The following CAPN15 variants were observed in gnomAD, a reference collection of about 807,000 sequenced individuals.
CAPN15 encodes the protein calpain 15, also known as calpain-15.
CAPN15 carries 53 observed loss-of-function variants against 97.9 expected under a neutral mutation model. The observed-to-expected ratio is 0.54, with a 90% confidence interval of 0.43 to 0.68. CAPN15 has a LOEUF of 0.68. Ranked by LOEUF, CAPN15 falls within the 30% of genes least tolerant of loss-of-function variation. CAPN15 has a pLI of 0.00. For synonymous variants in CAPN15, 922 were observed against 722.5 expected (o/e 1.28, Z -4.43); for missense variants, 1,592 against 1,589.8 (o/e 1.00, Z -0.02).
At chr16:532,148 T>C (rs1202479801) in intron 1 of CAPN15, among the ~76,000 whole-genome samples, 1 of 148,266 alleles carries the variant, frequency 6.7e-6, no homozygotes, top group Non-Finnish European at 1.5e-5. Context: ...GCTGAGACTG[T>C]AGAATTGCTT....
Position 547,485 on chromosome 16 carries a change from C to G in CAPN15, c.647C>G (p.Thr216Ser). 6.3e-7 allele frequency: 1 copy of G among 1,597,122 alleles called. No homozygotes were observed. Among genetic ancestry groups the G allele is most frequent in the Non-Finnish European group, 8.5e-7 (1 of 1,178,652 alleles). Reference sequence around the variant, plus strand: ...GGTGCCGAGGCCAACCCCCCAGCCACCAGCCAGGGCCCAGCTGCCGAACCA... The same window carrying G: ...GGTGCCGAGGCCAACCCCCCAGCCAGCAGCCAGGGCCCAGCTGCCGAACCA... ...GEGAEANPPA[T>S]SQGPAAEPEP... Residue 216 changes from threonine to serine, a missense_variant, in exon 4 of 14, where the codon ACC becomes AGC. Coordinates refer to ENST00000219611, the MANE Select transcript of CAPN15 (RefSeq NM_005632.3).
chr16:533,455 TC>T (rs1354819946), intron 1 of CAPN15, among the ~76,000 whole-genome samples: 1 of 151,740 alleles, frequency 6.6e-6, no homozygotes, highest in Non-Finnish European at 1.5e-5. Flanking sequence ...CGGGCTGGGG[TC>T]CGGGGGAGTC....
chr16:551,789 G>A (rs2035099937), intron 9 of CAPN15, 125 bp downstream of exon 9: 2 of 1,263,322 alleles, frequency 1.6e-6, no homozygotes, highest in Non-Finnish European at 2.2e-6. Context: ...GCCCAAATGG[G>A]ACCTGGAGCT....
chr16:553,707 C>T lies in CAPN15; in HGVS notation c.*191C>T. The T allele has an allele frequency of 2.0e-6, 1 of 488,068 alleles. No homozygotes were observed. The highest frequency in any genetic ancestry group is 3.3e-5 in the East Asian group (1 of 30,038). 30.2% of individuals were successfully genotyped at this position (488,068 alleles called of 1,614,324 possible). Reference sequence around the variant, plus strand: ...TCCCCTCCCTGAACCCCACAGTCCGCCTGGCCAGGCCTCCTGGCCGCCACG... The same window carrying T: ...TCCCCTCCCTGAACCCCACAGTCCGTCTGGCCAGGCCTCCTGGCCGCCACG... On this transcript the variant is annotated 3_prime_UTR_variant, in exon 14 of 14. Coordinates refer to ENST00000219611, the MANE Select transcript of CAPN15 (RefSeq NM_005632.3).
chr16:548,658 AG>A (rs2034774994), intron 4 of CAPN15, among the ~76,000 whole-genome samples: 2 of 152,242 alleles, frequency 1.3e-5, no homozygotes, highest in South Asian at 4.1e-4. Flanking sequence ...TCTAGAGTCC[AG>A]GATGGCATCA....
intron 3 of CAPN15, chr16:539,788 A>AC (rs2033986656): frequency 6.6e-6 from 1 of 152,058 alleles, no homozygotes. Context: ...CGTTCTCTTG[A>AC]CCCTTCCTTC....
At chr16:549,963 G>A (rs1170911413) in intron 7 of CAPN15, 125 bp downstream of exon 7, 2 of 765,258 alleles carry the variant, frequency 2.6e-6, no homozygotes, top group Non-Finnish European at 4.3e-6. Context: ...GGCGTGGGCT[G>A]ACCCCGCGTG....
At chr16:543,853 T>G (rs7197307) in intron 3 of CAPN15, among the ~76,000 whole-genome samples, 8,052 of 152,258 alleles carry the variant, frequency 0.053, 227 homozygotes, top group Non-Finnish European at 0.075. Flanking sequence ...CTCGCTGCCC[T>G]GGTGGCCGCT....
intron 3 of CAPN15, among the ~76,000 whole-genome samples, chr16:544,379 C>T (rs945037249): frequency 6.6e-5 from 10 of 151,966 alleles, no homozygotes; most frequent in African/African-American, 2.2e-4. Flanking sequence ...TGGCTTTGAC[C>T]GAGGCCCCGG....
chr16:543,132 G>A lies in CAPN15; in HGVS notation c.-22-3685G>A, dbSNP rs149828515. ...CGTGCCACCGCACTCCAGCTTGGGCGACACAGTGAGACGCTAGACGGTGTC... is the reference window on the plus strand; with the variant it reads ...CGTGCCACCGCACTCCAGCTTGGGCAACACAGTGAGACGCTAGACGGTGTC... On this transcript the variant is annotated intron_variant, in intron 3 of 13. Coordinates refer to ENST00000219611, the MANE Select transcript of CAPN15 (RefSeq NM_005632.3). The A allele has an allele frequency of 7.6e-3, 1,157 of 152,968 alleles. 8 individuals carry two copies. Among genetic ancestry groups the A allele is most frequent in the African/African-American group, 0.02 (816 of 41,576 alleles). 9.5% of individuals were successfully genotyped at this position (152,968 alleles called of 1,614,324 possible).
Position 547,470 on chromosome 16 carries a change from C to T in CAPN15, c.632C>T (p.Ala211Val), listed in dbSNP as rs2034673646. The T allele has an allele frequency of 6.3e-7, 1 of 1,595,110 alleles. No homozygotes were observed. Among genetic ancestry groups the T allele is most frequent in the Admixed American group, 1.7e-5 (1 of 59,714 alleles). ...GGCCTCCCCGGGGAAGGTGCCGAGG[C>T]CAACCCCCCAGCCACCAGCCAGGGC... Reference protein sequence around the residue: ...PPGLPGEGAEANPPATSQGPA... With the variant: ...PPGLPGEGAEVNPPATSQGPA... Residue 211 changes from alanine (A) to valine (V), a missense_variant, in exon 4 of 14, where the codon GCC becomes GTC. Ala to Val is a moderately conservative substitution (Grantham distance 64). This residue lies in a region of CAPN15 where 883 missense variants were observed against 776.6 expected (regional missense o/e 1.14). Transcript: ENST00000219611.
Position 552,811 on chromosome 16 carries a change from G to GGGGGGGT in CAPN15, c.2904+41_2904+42insGGGGGTG. The GGGGGGGT allele has an allele frequency of 6.5e-7, 1 of 1,544,286 alleles. No individual in the cohort carries two copies. ...CGGGGGAGGGTGGCGTGGGGCAGGG[G>GGGGGGGT]GAGTATGCCCCAGCACCTCCCCTGC... On this transcript the variant is annotated intron_variant, in intron 12 of 13. Transcript: ENST00000219611. This position sits in a 1 kb window ranked among gnomAD's most constrained non-coding sequence, Gnocchi z 6.4.
chr16:542,213 C>T (rs1363612567), intron 3 of CAPN15, among the ~76,000 whole-genome samples: 12 of 152,254 alleles, frequency 7.9e-5, no homozygotes, highest in Non-Finnish European at 1.5e-5. Flanking sequence ...AGGACTGCTT[C>T]CACGTGGCTT....
chr16:552,386 C>G lies in CAPN15; in HGVS notation c.2593C>G (p.Leu865Val). ...GTTCGGCAGCGGCGGCCACCTCAGC[C>G]TGGGCCGCCTCCTGGCCCACAGTAA... ...ATFGSGGHLS[L>V]GRLLAHSKRA... The change falls in exon 11 of 14, where the codon CTG (leucine) becomes GTG (valine). Residue 865 changes from leucine to valine, a missense_variant. Leu to Val is a conservative substitution (Grantham distance 32, BLOSUM62 1). Coordinates refer to ENST00000219611, the MANE Select transcript of CAPN15 (RefSeq NM_005632.3). The surrounding 1 kb of genome is among the most constrained non-coding windows in gnomAD (Gnocchi z 6.4). 6.2e-7 allele frequency: 1 copy of G among 1,605,056 alleles called. No individual in the cohort carries two copies. The highest frequency in any genetic ancestry group is 1.1e-5 in the South Asian group (1 of 90,662).
At chr16:531,993 C>T (rs916534048) in intron 1 of CAPN15, among the ~76,000 whole-genome samples, 2 of 152,070 alleles carry the variant, frequency 1.3e-5, no homozygotes, top group Non-Finnish European at 2.9e-5. Flanking sequence ...TAATCCCAGC[C>T]CTTTCAGAGG....
In CAPN15 at chr16:551,629, G is replaced by A. The variant is rs534348403; in HGVS notation, c.2310G>A (p.Glu770=). The A allele has an allele frequency of 1.4e-5, 23 of 1,604,708 alleles. No individual in the cohort carries two copies. Among genetic ancestry groups the A allele is most frequent in the African/African-American group, 4.0e-5 (3 of 75,002 alleles). The change falls in exon 9 of 14, where the codon GAG becomes GAA. Residue 770 remains glutamate, a synonymous_variant. Transcript: ENST00000219611. ...AGCTCATGCCGCACGGCAGCAGTGA[G>A]GGTGTCTTCTGGATGGAGTACGGCG... The part of the protein sequence containing the change: ...RGELMPHGSS[E]GVFWMEYGDF...
At chr16:543,520 GCCTCCTGCCTGGC>G (rs1251908951) in intron 3 of CAPN15, among the ~76,000 whole-genome samples, 1 of 152,158 alleles carries the variant, frequency 6.6e-6, no homozygotes, top group Non-Finnish European at 1.5e-5. Flanking sequence ...TTTCACCCTG[GCCTCCTGCCTGGC>G]CCTCCCCTGG....
At chr16:549,953 G>C in intron 7 of CAPN15, 115 bp downstream of exon 7, 1 of 864,990 alleles carries the variant, frequency 1.2e-6, no homozygotes, top group Non-Finnish European at 1.8e-6. Context: ...AGGTGCCCCT[G>C]GCGTGGGCTG....
chr16:538,904 C>T (rs1195250857), intron 3 of CAPN15: 2 of 140,644 alleles, frequency 1.4e-5, no homozygotes, highest in African/African-American at 2.6e-5. Flanking sequence ...CCTAGGGCTG[C>T]CCCCAGGCCT....
Sources: allele counts gnomAD v4.1 joint callset (sites outside exome capture counted in the v4.1 genomes callset), GRCh38; gene constraint gnomAD v4.1.1; regional missense constraint gnomAD v4.1.1; non-coding constraint Gnocchi (gnomAD v3.1); transcripts MANE v1.5; gene names NCBI Gene and HGNC (gene_info 2026-07-23, HGNC 2026-07-21).